Variants in CADPS observed in about 807,000 individuals in gnomAD.
CADPS encodes calcium-dependent secretion activator 1.
Under a neutral mutation model 167.3 loss-of-function variants are expected in CADPS, and 57 were observed. The observed-to-expected ratio is 0.34, with a 90% CI of 0.28 to 0.42. The LOEUF is 0.42. Among genes scored for constraint, CADPS ranks in the 20% least tolerant of loss-of-function variants. CADPS has a pLI of 1.00. For missense variants in CADPS, 1,414 were observed against 1,738.1 expected (o/e 0.81, Z 3.32); for synonymous variants, 676 against 635.3 (o/e 1.06, Z -0.96).
At chr3:62,512,695 A>G in intron 17 of CADPS, 56 bp downstream of exon 17, 1 of 1,450,512 alleles carries the variant, frequency 6.9e-7, no homozygotes, top group South Asian at 1.3e-5. Context: ...CAAAAACAAA[A>G]ACTGAATGTA....
chr3:62,533,502 T>G (rs1253216586), intron 12 of CADPS, among the ~76,000 whole-genome samples: 1 of 152,184 alleles, frequency 6.6e-6, no homozygotes, highest in African/African-American at 2.4e-5. Flanking sequence ...AACAGAGAAC[T>G]TTCAGTTGAG....
At chr3:62,519,482 T>G (rs1404130977) in intron 13 of CADPS, among the ~76,000 whole-genome samples, 1 of 152,144 alleles carries the variant, frequency 6.6e-6, no homozygotes, top group Non-Finnish European at 1.5e-5. Flanking sequence ...CTTCCCCACT[T>G]TATAAAAAAT....
chr3:62,453,255 G>A (rs2058293046), intron 26 of CADPS, among the ~76,000 whole-genome samples: 1 of 152,038 alleles, frequency 6.6e-6, no homozygotes, highest in Non-Finnish European at 1.5e-5. Flanking sequence ...ACAGAGAGCT[G>A]TGTTTTTTTA....
At chr3:62,467,169 A>G in intron 24 of CADPS, 1 of 329,916 alleles carries the variant, frequency 3.0e-6, no homozygotes, top group Non-Finnish European at 4.9e-6. Flanking sequence ...TGATTTTAAC[A>G]CAAAATATTA....
At chr3:62,808,620 C>A (rs1320648999) in intron 1 of CADPS, among the ~76,000 whole-genome samples, 1 of 152,122 alleles carries the variant, frequency 6.6e-6, no homozygotes, top group African/African-American at 2.4e-5. Context: ...ATGGTTTATT[C>A]CTCCTCCTCT....
intron 1 of CADPS, among the ~76,000 whole-genome samples, chr3:62,832,567 G>C (rs1559832847): frequency 6.6e-6 from 1 of 152,210 alleles, no homozygotes; most frequent in African/African-American, 2.4e-5. Context: ...GTGGAGCAGA[G>C]TTTTCACCTA....
intron 24 of CADPS, among the ~76,000 whole-genome samples, chr3:62,471,688 A>C (rs2060642523): frequency 6.6e-6 from 1 of 152,128 alleles, no homozygotes; most frequent in Non-Finnish European, 1.5e-5. Context: ...TGTTGTATCA[A>C]CCCTTCTGCA....
chr3:62,705,198 T>C (rs906992550), intron 3 of CADPS, among the ~76,000 whole-genome samples: 2 of 152,162 alleles, frequency 1.3e-5, no homozygotes, highest in East Asian at 1.9e-4. Context: ...TGTGCTCTAA[T>C]TGAAGAAACC....
rs76656498 is a variant in CADPS, at chr3:62,700,421, G to A, written c.889-38027C>T. Among the ~76,000 whole-genome samples, 66 of 152,128 alleles carry A rather than the reference G, an allele frequency of 4.3e-4. No homozygotes were observed. The East Asian group carries it at 8.9e-3, about 20-fold the overall frequency. On this transcript the variant is annotated intron_variant, in intron 3 of 29. Transcript: ENST00000383710. ...GTTATTAAGTTAGATAATGCAGGTC[G>A]GACATTTAGCATTGTGTTTGGTAAT... is the stretch of plus-strand genomic sequence containing the variant.
At chr3:62,555,935 G>A (rs1180649773) in intron 10 of CADPS, among the ~76,000 whole-genome samples, 1 of 151,852 alleles carries the variant, frequency 6.6e-6, no homozygotes, top group African/African-American at 2.4e-5. Flanking sequence ...TAATTTTTTT[G>A]TATAGATGAT....
Position 62,524,705 on chromosome 3 carries a change from A to G in CADPS, c.2292-6455T>C, listed in dbSNP as rs146845320. The stretch of plus-strand genomic sequence containing the variant: ...GTGGAGAAGTCTCTCTCTACTGAAC[A>G]GTCACAAAGAATATGGATGCTATGG... On this transcript the variant is annotated intron_variant, in intron 13 of 29. Transcript: ENST00000383710. Among the ~76,000 whole-genome samples the G allele has an allele frequency of 3.7e-4, 57 of 152,318 alleles. No homozygotes were observed. The East Asian group carries it at 0.01, about 27-fold the overall frequency.
chr3:62,558,021 T>C (rs1020581398), intron 9 of CADPS, among the ~76,000 whole-genome samples: 2 of 152,232 alleles, frequency 1.3e-5, no homozygotes, highest in African/African-American at 4.8e-5. Flanking sequence ...TATTCATGCC[T>C]TTTTATTTCA....
rs1465239440 is a variant in CADPS, at chr3:62,801,070, A to T, written c.442-35086T>A. Among the ~76,000 whole-genome samples the T allele has an allele frequency of 1.3e-5, 2 of 152,182 alleles. 1 individual carries two copies. Among genetic ancestry groups the T allele is most frequent in the Non-Finnish European group, 2.9e-5 (2 of 68,026 alleles). On this transcript the variant is annotated intron_variant, in intron 1 of 29. Coordinates refer to ENST00000383710, the MANE Select transcript of CADPS (RefSeq NM_003716.4). ...TTCCCCACTTGCTAGTGTGGTGACT[A>T]ACCTTGGACTGTGAACCTGTTTCTT...
intron 9 of CADPS, among the ~76,000 whole-genome samples, chr3:62,566,553 A>C (rs2080247604): frequency 6.6e-6 from 1 of 151,848 alleles, no homozygotes; most frequent in African/African-American, 2.4e-5. Context: ...TATGATATTG[A>C]TAAAGTGCTT....
chr3:62,521,014 C>G (rs2070412954), intron 13 of CADPS, among the ~76,000 whole-genome samples: 1 of 152,148 alleles, frequency 6.6e-6, no homozygotes, highest in African/African-American at 2.4e-5. Flanking sequence ...TCCACAGAAG[C>G]AACAGCATAC....
intron 1 of CADPS, among the ~76,000 whole-genome samples, chr3:62,785,153 GGTTA>G (rs536776684): frequency 7.4e-4 from 113 of 152,058 alleles, no homozygotes; most frequent in Middle Eastern, 3.4e-3. Context: ...GGTACAAGAG[GGTTA>G]GTTAAACTAA....
At chr3:62,607,519 G>A (rs765653942) in intron 6 of CADPS, among the ~76,000 whole-genome samples, 6 of 152,238 alleles carry the variant, frequency 3.9e-5, no homozygotes, top group Non-Finnish European at 5.9e-5. Context: ...TAGCACTTGA[G>A]TGTCCCCAAC....
chr3:62,544,792 T>C lies in CADPS; in HGVS notation c.1966+5111A>G, dbSNP rs187041033. 8 of 943,332 alleles carry C rather than the reference T, an allele frequency of 8.5e-6. No homozygotes were observed. The African/African-American group carries it at 1.4e-4, about 17-fold the overall frequency. The allele number at this position is 943,332 out of a possible 1,614,324, so 58.4% of individuals were successfully genotyped here. On this transcript the variant is annotated intron_variant, in intron 11 of 29. Transcript: ENST00000383710. This position sits in a 1 kb window ranked among gnomAD's most constrained non-coding sequence, Gnocchi z 4.4. ...AAGGGGGAGGGAAGCACATTGCAGG[T>C]GTCAGATAATCTAATCTGATTATCT...
intron 3 of CADPS, among the ~76,000 whole-genome samples, chr3:62,713,261 T>C (rs2083758849): frequency 1.3e-5 from 2 of 152,184 alleles, no homozygotes; most frequent in Admixed American, 1.3e-4. Context: ...GACTACCATT[T>C]CTTTCAGGGG....
Sources: allele counts gnomAD v4.1 joint callset (sites outside exome capture counted in the v4.1 genomes callset), GRCh38; gene constraint gnomAD v4.1.1; non-coding constraint Gnocchi (gnomAD v3.1); transcripts MANE v1.5; gene names NCBI Gene and HGNC (gene_info 2026-07-23, HGNC 2026-07-21).